The following POMGNT2 variants were observed in gnomAD, a reference collection of about 807,000 sequenced individuals.
POMGNT2 encodes the protein protein O-linked-mannose beta-1,4-N-acetylglucosaminyltransferase 2.
POMGNT2 carries 32 observed loss-of-function variants against 37.8 expected under a neutral mutation model. The ratio of observed to expected loss-of-function variants is 0.85; its 90% confidence interval spans 0.64 to 1.14. The LOEUF (loss-of-function observed/expected upper bound fraction) is 1.14, where lower values mean the gene tolerates loss of function less well. Ranked by LOEUF, POMGNT2 falls within the 50% of genes most tolerant of loss-of-function variation. POMGNT2 has a pLI of 0.00. For missense variants in POMGNT2, 705 were observed against 780.6 expected (o/e 0.90, Z 1.15); for synonymous variants, 340 against 336.8 (o/e 1.01, Z -0.10).
intron 1 of POMGNT2, among the ~76,000 whole-genome samples, chr3:43,102,421 T>C (rs770029684): frequency 2.0e-5 from 3 of 152,172 alleles, no homozygotes; most frequent in Non-Finnish European, 2.9e-5. Context: ...GAGTGAAAGA[T>C]CTGATTCTCT....
At chr3:43,104,036 G>C (rs914445090) in intron 1 of POMGNT2, among the ~76,000 whole-genome samples, 4 of 152,086 alleles carry the variant, frequency 2.6e-5, no homozygotes, top group Admixed American at 2.0e-4. Flanking sequence ...TGTTTTACAC[G>C]CATTATCTCA....
At chr3:43,091,433 T>C (rs2089942179) in intron 1 of POMGNT2, among the ~76,000 whole-genome samples, 2 of 152,086 alleles carry the variant, frequency 1.3e-5, no homozygotes, top group East Asian at 3.9e-4. Flanking sequence ...TATGAATAAA[T>C]AATTAGGAGA....
intron 1 of POMGNT2, among the ~76,000 whole-genome samples, chr3:43,089,045 G>A (rs948651876): frequency 6.6e-6 from 1 of 152,152 alleles, no homozygotes. Context: ...AGTTTCCCCT[G>A]GACTCTTCTA....
chr3:43,080,032 C>T lies in POMGNT2; in HGVS notation c.1400G>A (p.Gly467Asp). Reference protein sequence around the residue: ...LIQTIRRVVKGRPGPRKQKWT... With the variant: ...LIQTIRRVVKDRPGPRKQKWT... The stretch of plus-strand genomic sequence containing the variant: ...CTTCTGCTTCCGTGGTCCTGGCCGG[C>T]CCTTCACCACGCGCCGTATGGTTTG... The change falls in exon 2 of 2, where the codon GGC becomes GAC. Residue 467 changes from glycine to aspartate, a missense_variant. Coordinates refer to ENST00000344697, the MANE Select transcript of POMGNT2 (RefSeq NM_032806.6). 2 of 1,613,850 alleles carry T rather than the reference C, an allele frequency of 1.2e-6. No homozygotes were observed. The highest frequency in any genetic ancestry group is 1.7e-6 in the Non-Finnish European group (2 of 1,180,018).
intron 1 of POMGNT2, among the ~76,000 whole-genome samples, chr3:43,103,457 C>A (rs1174545643): frequency 6.6e-6 from 1 of 152,204 alleles, no homozygotes; most frequent in Non-Finnish European, 1.5e-5. Flanking sequence ...CTCACCCAGC[C>A]CTGCTGTCCA....
chr3:43,101,141 T>C (rs1028693144), intron 1 of POMGNT2, among the ~76,000 whole-genome samples: 14 of 152,128 alleles, frequency 9.2e-5, no homozygotes, highest in Admixed American at 2.0e-4. Context: ...ACATGCATGA[T>C]GGTGACACGT....
chr3:43,081,207 T>G lies in POMGNT2; in HGVS notation c.225A>C (p.Thr75=), dbSNP rs543003466. The G allele has an allele frequency of 6.2e-7, 1 of 1,614,134 alleles. No individual in the cohort carries two copies. Among genetic ancestry groups the G allele is most frequent in the East Asian group, 2.2e-5 (1 of 44,874 alleles). ...THMVCTGRTH[T]DRICRFKWLC... is the part of the protein sequence containing the mutation. Reference sequence around the variant, plus strand: ...GCCACTTGAAGCGGCAGATGCGGTCTGTGTGCGTGCGGCCCGTGCACACCA... The same window carrying G: ...GCCACTTGAAGCGGCAGATGCGGTCGGTGTGCGTGCGGCCCGTGCACACCA... The change falls in exon 2 of 2, where the codon ACA becomes ACC. Residue 75 remains threonine, a synonymous_variant. Transcript: ENST00000344697.
chr3:43,080,638 C>A lies in POMGNT2; in HGVS notation c.794G>T (p.Arg265Leu). The change falls in exon 2 of 2, where the codon CGG (arginine) becomes CTG (leucine). Residue 265 changes from arginine (R) to leucine (L), a missense_variant. Arg to Leu is a moderately radical substitution (Grantham distance 102, BLOSUM62 -2). Transcript: ENST00000344697. ...TTCTGTCATGAACCGTGCAAACTGC[C>A]GGATCTCATTGCCTGAGACGAGGAT... ...ANILVSGNEIRQFARFMTEKL... is the reference protein window; with the variant it reads ...ANILVSGNEILQFARFMTEKL... 3 of 1,614,210 alleles carry A rather than the reference C, an allele frequency of 1.9e-6. No homozygotes were observed.
intron 1 of POMGNT2, among the ~76,000 whole-genome samples, chr3:43,104,920 C>A (rs1035106202): frequency 6.6e-6 from 1 of 152,184 alleles, no homozygotes; most frequent in African/African-American, 2.4e-5. Context: ...CTTAAACGCA[C>A]ACCGCTAGTA....
At chr3:43,101,620 G>A (rs928871974) in intron 1 of POMGNT2, among the ~76,000 whole-genome samples, 13 of 152,150 alleles carry the variant, frequency 8.5e-5, no homozygotes, top group Admixed American at 3.3e-4. Context: ...TGATTCTTGC[G>A]TGTGCACAAT....
chr3:43,080,842 C>T lies in POMGNT2; in HGVS notation c.590G>A (p.Trp197Ter), dbSNP rs752069645. ...HEARLFFMEG[W>*]GEGAHFDLYK... ...GAGGTCGAAGTGTGCACCCTCGCCC[C>T]AGCCCTCCATGAAGAAGAGCCGTGC... The change falls in exon 2 of 2, where the codon TGG (tryptophan) becomes TAG (stop). Residue 197 changes from tryptophan (W) to a stop codon, truncating the protein, a stop_gained. Transcript: ENST00000344697. LOFTEE classifies it high-confidence loss of function. The T allele has an allele frequency of 1.9e-6, 3 of 1,614,076 alleles. No individual in the cohort carries two copies. In the South Asian group the frequency reaches 3.3e-5, roughly 18 times the overall value.
At position 43,080,506 on chromosome 3, in the gene POMGNT2, G is replaced by A; in HGVS notation, c.926C>T (p.Ala309Val). 1 of 1,614,226 alleles carries A rather than the reference G, an allele frequency of 6.2e-7. No homozygotes were observed. Among genetic ancestry groups the A allele is most frequent in the Non-Finnish European group, 8.5e-7 (1 of 1,180,036 alleles). The change falls in exon 2 of 2, where the codon GCA becomes GTA. Residue 309 changes from alanine to valine, a missense_variant. Physicochemically the swap from Ala to Val is moderately conservative, Grantham distance 64 (BLOSUM62 0). Coordinates refer to ENST00000344697, the MANE Select transcript of POMGNT2 (RefSeq NM_032806.6). ...CTTCATCTGGAACTCCTGGGCCAGT[G>A]CCAGCAGCAGCTCTGCCTCATTCAG... Reference protein sequence around the residue: ...LILNEAELLLALAQEFQMKTV... With the variant: ...LILNEAELLLVLAQEFQMKTV...
In POMGNT2 at chr3:43,079,333, A is replaced by T; in HGVS notation, c.*356T>A. 1 of 255,384 alleles carries T rather than the reference A, an allele frequency of 3.9e-6. No homozygotes were observed. Among genetic ancestry groups the T allele is most frequent in the Non-Finnish European group, 7.5e-6 (1 of 134,200 alleles). 15.8% of individuals were successfully genotyped at this position (255,384 alleles called of 1,614,324 possible). A position where few individuals can be genotyped will look rare whatever the true frequency, so the allele number is the denominator to read the frequency against. ...CAGATGAACCACCCAATCAAACAGTACATGATTACTCGGTTTCCAGAAATC... is the reference window on the plus strand; with the variant it reads ...CAGATGAACCACCCAATCAAACAGTTCATGATTACTCGGTTTCCAGAAATC... On this transcript the variant is annotated 3_prime_UTR_variant, in exon 2 of 2. Transcript: ENST00000344697.
intron 1 of POMGNT2, among the ~76,000 whole-genome samples, chr3:43,094,400 T>C (rs564469276): frequency 6.6e-6 from 1 of 152,364 alleles, no homozygotes; most frequent in Non-Finnish European, 1.5e-5. Context: ...GACCCAGTGA[T>C]TTCCCCTTTC....
At chr3:43,100,773 T>C (rs529098222) in intron 1 of POMGNT2, among the ~76,000 whole-genome samples, 13 of 152,214 alleles carry the variant, frequency 8.5e-5, no homozygotes, top group African/African-American at 2.7e-4. Context: ...CTTCAACTTA[T>C]GATCTTGACA....
intron 1 of POMGNT2, among the ~76,000 whole-genome samples, chr3:43,084,914 G>T (rs749140447): frequency 6.6e-6 from 1 of 151,332 alleles, no homozygotes; most frequent in Admixed American, 6.6e-5. Context: ...TGGACATTTC[G>T]GTCATAATGT....
chr3:43,090,587 G>C (rs888308673), intron 1 of POMGNT2: 2 of 152,110 alleles, frequency 1.3e-5, no homozygotes, highest in Non-Finnish European at 2.9e-5. Flanking sequence ...TGATCTCTAG[G>C]AGGAAAGAAG....
In POMGNT2 at chr3:43,080,287, A is replaced by G; in HGVS notation, c.1145T>C (p.Met382Thr). 6.2e-7 allele frequency: 1 copy of G among 1,614,196 alleles called. No homozygotes were observed. The highest frequency in any genetic ancestry group is 8.5e-7 in the Non-Finnish European group (1 of 1,180,026). ...ATACTGGAGGTCCATGCCAGGCAGC[A>G]TGGCCAGCGTCTTATAGGGAGTGTA... ...DHYTPYKTLA[M>T]LPGMDLQYVA... The change falls in exon 2 of 2, where the codon ATG (methionine) becomes ACG (threonine). Residue 382 changes from methionine (M) to threonine (T), a missense_variant. Physicochemically the swap from Met to Thr is moderately conservative, Grantham distance 81. Transcript: ENST00000344697.
intron 1 of POMGNT2, among the ~76,000 whole-genome samples, chr3:43,100,901 T>G (rs2090013916): frequency 6.6e-6 from 1 of 152,200 alleles, no homozygotes; most frequent in African/African-American, 2.4e-5. Flanking sequence ...CAATTAGTCA[T>G]TAATACAACC....
Sources: allele counts gnomAD v4.1 joint callset (sites outside exome capture counted in the v4.1 genomes callset), GRCh38; gene constraint gnomAD v4.1.1; transcripts MANE v1.5; gene names NCBI Gene and HGNC (gene_info 2026-07-23, HGNC 2026-07-21).